The following ZNF362 variants were observed in gnomAD, a reference collection of about 807,000 sequenced individuals.
ZNF362 encodes rotund homolog.
Under a neutral mutation model 42.9 loss-of-function variants are expected in ZNF362, and 11 were observed. That is an observed-to-expected ratio of 0.26 (90% CI 0.16 to 0.42). The LOEUF is 0.42. Ranked by LOEUF, ZNF362 falls within the 20% of genes least tolerant of loss-of-function variation. The pLI is 1.00. For synonymous variants in ZNF362, 255 were observed against 257.3 expected, an observed-to-expected ratio of 0.99 and a Z score of 0.09; for missense variants, 362 against 576.2, an observed-to-expected ratio of 0.63 and a Z score of 3.81.
Position 33,281,647 on chromosome 1 carries a change from G to A in ZNF362, c.744G>A (p.Ser248=), listed in dbSNP as rs542215282. Residue 248 remains serine, a synonymous_variant, in exon 6 of 9, where the codon TCG becomes TCA. Coordinates refer to ENST00000539719, the MANE Select transcript of ZNF362 (RefSeq NM_152493.3). The surrounding 1 kb of genome is among the most constrained non-coding windows in gnomAD (Gnocchi z 4.8). ...CAGAGATGCAGATCCACTCCAAGTC[G>A]CACACAGAGGCCAAGCCCCACAAGT... ...TKSEMQIHSK[S]HTEAKPHKCP... 13 of 1,614,222 alleles carry A rather than the reference G, an allele frequency of 8.1e-6. No homozygotes were observed. In the East Asian group the frequency reaches 1.1e-4, roughly 14 times the overall value.
the ZNF362 span, among the ~76,000 whole-genome samples, chr1:33,190,802 G>A: frequency 6.6e-6 from 1 of 152,210 alleles, no homozygotes; most frequent in Non-Finnish European, 1.5e-5. Flanking sequence ...TGCCAATGAG[G>A]AGGGCAGGAG....
chr1:33,220,419 C>T, the ZNF362 span, among the ~76,000 whole-genome samples: 3 of 152,112 alleles, frequency 2.0e-5, no homozygotes, highest in Non-Finnish European at 4.4e-5. Flanking sequence ...AAGATGTGGA[C>T]GCAGAAGCTC....
Position 33,295,128 on chromosome 1 carries a change from C to T in ZNF362, c.988-19C>T. 1.2e-6 allele frequency: 2 copies of T among 1,613,720 alleles called. No individual in the cohort carries two copies. The highest frequency in any genetic ancestry group is 2.2e-5 in the East Asian group (1 of 44,838). On this transcript the variant is annotated intron_variant, in intron 7 of 8. Transcript: ENST00000539719. ...AGGGAGCCCTGTTCCTCTCCTGACC[C>T]CCTGCTGTGCCCCTACAGTCTCACC...
At chr1:33,151,057 G>T in the ZNF362 span, among the ~76,000 whole-genome samples, 1 of 152,112 alleles carries the variant, frequency 6.6e-6, no homozygotes, top group Admixed American at 6.5e-5. Context: ...CTCAGCTTCA[G>T]ACTTGTAGCT....
At chr1:33,246,283 G>A in the ZNF362 span, among the ~76,000 whole-genome samples, 1 of 152,180 alleles carries the variant, frequency 6.6e-6, no homozygotes, top group African/African-American at 2.4e-5. Flanking sequence ...CCAGGCAGGG[G>A]AATGCTGCCC....
chr1:33,213,825 C>T, the ZNF362 span, among the ~76,000 whole-genome samples: 1 of 152,030 alleles, frequency 6.6e-6, no homozygotes, highest in Non-Finnish European at 1.5e-5. Context: ...AGCCTGGCAA[C>T]AGACAGAAAC....
rs1645863305 is a variant in ZNF362, at chr1:33,266,136, G to A, written c.-88-4351G>A. ...CCCTCCCAGCCTGACTGCAGCAGTA[G>A]CTGTTGCCCCTCTCTGGGGGCAGGG... On this transcript the variant is annotated intron_variant, in intron 1 of 8. Coordinates refer to ENST00000539719, the MANE Select transcript of ZNF362 (RefSeq NM_152493.3). This position sits in a 1 kb window ranked among gnomAD's most constrained non-coding sequence, Gnocchi z 4.3. 2.0e-5 allele frequency among the ~76,000 whole-genome samples: 3 copies of A among 152,344 alleles called. No homozygotes were observed. In the South Asian group the frequency reaches 6.2e-4, roughly 32 times the overall value.
chr1:33,190,205 T>C, the ZNF362 span, among the ~76,000 whole-genome samples: 1 of 152,184 alleles, frequency 6.6e-6, no homozygotes, highest in Non-Finnish European at 1.5e-5. Flanking sequence ...TTTATTATAT[T>C]GGGCAGCAAT....
At chr1:33,242,701 C>G in the ZNF362 span, among the ~76,000 whole-genome samples, 1 of 152,286 alleles carries the variant, frequency 6.6e-6, no homozygotes, top group African/African-American at 2.4e-5. Context: ...ATTAAACCCC[C>G]TGTTGTACTT....
the ZNF362 span, among the ~76,000 whole-genome samples, chr1:33,188,499 G>A: frequency 2.0e-5 from 3 of 152,204 alleles, no homozygotes; most frequent in Non-Finnish European, 4.4e-5. Flanking sequence ...GGACAGAGAA[G>A]GCAAATCTGT....
chr1:33,286,331 T>C (rs1646032107), intron 6 of ZNF362, among the ~76,000 whole-genome samples: 1 of 151,680 alleles, frequency 6.6e-6, no homozygotes, highest in Admixed American at 6.6e-5. Context: ...GATGAAGAAT[T>C]CTGTTTTTTT....
the ZNF362 span, among the ~76,000 whole-genome samples, chr1:33,140,852 T>A: frequency 6.6e-6 from 1 of 152,062 alleles, no homozygotes; most frequent in Non-Finnish European, 1.5e-5. This position sits in a 1 kb window ranked among gnomAD's most constrained non-coding sequence, Gnocchi z 4.0. Flanking sequence ...GTGCCTGGGG[T>A]TGTTGGAACC....
Position 33,280,180 on chromosome 1 carries a change from G to GCGGGCA in ZNF362, c.417_422dup (p.Gly141_Thr142dup), listed in dbSNP as rs762490200. 51 of 1,611,928 alleles carry GCGGGCA rather than the reference G, an allele frequency of 3.2e-5. No homozygotes were observed. The highest frequency in any genetic ancestry group is 8.9e-5 in the East Asian group (4 of 44,840). On this transcript the variant is annotated inframe_insertion, in exon 5 of 9. Transcript: ENST00000539719. The surrounding 1 kb of genome is among the most constrained non-coding windows in gnomAD (Gnocchi z 5.6). Reference sequence around the variant, plus strand: ...GAGCACTTCTGAGTCAAGCGCGGGCGCGGGCACGGGCACGGGTACCAGCAC... The same window carrying GCGGGCA: ...GAGCACTTCTGAGTCAAGCGCGGGCGCGGGCACGGGCACGGGCACGGGTACCAGCAC...
At chr1:33,257,426 CTTT>C (rs921311790) in intron 1 of ZNF362, among the ~76,000 whole-genome samples, 1 of 136,922 alleles carries the variant, frequency 7.3e-6, no homozygotes, top group Non-Finnish European at 1.6e-5. Flanking sequence ...TTCTTTCTTT[CTTT>C]TTTTTTTTTT....
chr1:33,155,520 GGT>G, the ZNF362 span, among the ~76,000 whole-genome samples: 3 of 152,050 alleles, frequency 2.0e-5, no homozygotes, highest in African/African-American at 7.2e-5. Flanking sequence ...CCTCCTTCCT[GGT>G]GTGTGTGAGG....
the ZNF362 span, among the ~76,000 whole-genome samples, chr1:33,197,442 A>G: frequency 6.6e-6 from 1 of 152,104 alleles, no homozygotes; most frequent in Admixed American, 6.5e-5. Context: ...GGGGATAGGA[A>G]TTTTTCAGCT....
Position 33,276,173 on chromosome 1 carries a change from A to T in ZNF362, c.102+10A>T, listed in dbSNP as rs1447902596. The T allele has an allele frequency of 6.2e-7, 1 of 1,612,904 alleles. No individual in the cohort carries two copies. The highest frequency in any genetic ancestry group is 8.5e-7 in the Non-Finnish European group (1 of 1,179,892). On this transcript the variant is annotated intron_variant, in intron 3 of 8. Transcript: ENST00000539719. ...CACCATGCCCAGCCAGGTAAGACTG[A>T]CGTCGCCCCTCCGGCTGCCCTACCC...
At chr1:33,285,618 A>G (rs1479216561) in intron 6 of ZNF362, among the ~76,000 whole-genome samples, 1 of 152,222 alleles carries the variant, frequency 6.6e-6, no homozygotes, top group Admixed American at 6.5e-5. Flanking sequence ...AAAAGTGCAC[A>G]AGAACATATT....
chr1:33,236,468 T>C, the ZNF362 span, among the ~76,000 whole-genome samples: 2 of 142,236 alleles, frequency 1.4e-5, no homozygotes, highest in Admixed American at 7.3e-5. Context: ...GAGACTTGCT[T>C]GAACCCGGGA....
Sources: allele counts gnomAD v4.1 joint callset (sites outside exome capture counted in the v4.1 genomes callset), GRCh38; gene constraint gnomAD v4.1.1; non-coding constraint Gnocchi (gnomAD v3.1); transcripts MANE v1.5; gene names NCBI Gene and HGNC (gene_info 2026-07-23, HGNC 2026-07-21).